Variants in SLC3A1 observed in about 807,000 individuals in gnomAD.
SLC3A1 encodes solute carrier family 3 member 1.
A neutral mutation model predicts 60.3 loss-of-function variants in SLC3A1; 78 were observed. The observed-to-expected ratio is 1.29, with a 90% CI of 1.08 to 1.56. The LOEUF (loss-of-function observed/expected upper bound fraction) is 1.56. SLC3A1 is among the 40% of genes most tolerant of loss of function. The pLI is 0.00. For synonymous variants in SLC3A1, 392 were observed against 307.9 expected (o/e 1.27, Z -2.86); for missense variants, 1,172 against 858.9 (o/e 1.36, Z -4.56).
chr2:44,313,741 T>C (rs1354856204), intron 8 of SLC3A1, 94 bp from the exon 9 acceptor site: 2 of 1,027,606 alleles, frequency 1.9e-6, no homozygotes, highest in East Asian at 2.4e-5. Context: ...CTAAGAACTA[T>C]GGGGAATTAA....
chr2:44,304,355 G>T lies in SLC3A1; in HGVS notation c.1332+17G>T, dbSNP rs1672098344. 7 of 1,587,994 alleles carry T rather than the reference G, an allele frequency of 4.4e-6. No individual in the cohort carries two copies. The highest frequency in any genetic ancestry group is 6.1e-6 in the Non-Finnish European group (7 of 1,155,974). On this transcript the variant is annotated intron_variant, in intron 7 of 9. Coordinates refer to ENST00000260649, the MANE Select transcript of SLC3A1 (RefSeq NM_000341.4). ...AACTGGATGGTAAGTCCTCATGACA[G>T]CAGAGTACATAATGTGCTGCTGTTG...
At chr2:44,278,095 C>T (rs544051069) in intron 1 of SLC3A1, among the ~76,000 whole-genome samples, 43 of 152,170 alleles carry the variant, frequency 2.8e-4, no homozygotes, top group African/African-American at 3.9e-4. Flanking sequence ...CTGTTGATAC[C>T]GTGTGAGATC....
chr2:44,309,575 T>G (rs1672242773), intron 7 of SLC3A1, among the ~76,000 whole-genome samples: 1 of 152,130 alleles, frequency 6.6e-6, no homozygotes, highest in South Asian at 2.1e-4. Flanking sequence ...TACCATGGAG[T>G]GGAATTGCTG....
rs1672846744 is a variant in SLC3A1, at chr2:44,320,566, T to C, written c.1985T>C (p.Phe662Ser). The change falls in exon 10 of 10, where the codon TTC (phenylalanine) becomes TCC (serine). Residue 662 changes from phenylalanine to serine, a missense_variant. By Grantham distance (155) the Phe-to-Ser change is radical (BLOSUM62 -2). Transcript: ENST00000260649. ...TKNLLHRQTA[F>S]RDRCFVSNRA... ...AATCTCCTTCATCGCCAAACAGCTTTCAGAGATAGATGCTTTGTTTCCAAT... is the reference window on the plus strand; with the variant it reads ...AATCTCCTTCATCGCCAAACAGCTTCCAGAGATAGATGCTTTGTTTCCAAT... 5 of 1,614,080 alleles carry C rather than the reference T, an allele frequency of 3.1e-6. No individual in the cohort carries two copies. The highest frequency in any genetic ancestry group is 4.2e-6 in the Non-Finnish European group (5 of 1,179,938).
At position 44,301,062 on chromosome 2, in the gene SLC3A1, G is replaced by A. The variant is rs762011300; in HGVS notation, c.1071G>A (p.Met357Ile). 1.2e-5 allele frequency: 20 copies of A among 1,614,076 alleles called. No homozygotes were observed. The highest frequency in any genetic ancestry group is 6.8e-6 in the Non-Finnish European group (8 of 1,180,046). ...ACTTCACCACCACGCAGGTGGGAAT[G>A]CACGACATTGTCCGCAGCTTCCGGC... ...YHDFTTTQVG[M>I]HDIVRSFRQT... Residue 357 changes from methionine to isoleucine, a missense_variant, in exon 6 of 10, where the codon ATG becomes ATA. Transcript: ENST00000260649.
At chr2:44,281,039 C>T (rs1340882598) in intron 2 of SLC3A1, 144 bp downstream of exon 2, 1 of 723,374 alleles carries the variant, frequency 1.4e-6, no homozygotes, top group Non-Finnish European at 2.3e-6. Context: ...TCTTTCCTTC[C>T]CGCTTTCTCT....
chr2:44,295,452 A>G (rs942111547), intron 4 of SLC3A1, among the ~76,000 whole-genome samples: 1 of 152,178 alleles, frequency 6.6e-6, no homozygotes, highest in Non-Finnish European at 1.5e-5. Context: ...AGGGTTAACA[A>G]TTAAAATCTG....
chr2:44,275,970 A>C lies in SLC3A1; in HGVS notation c.430+5A>C. The C allele has an allele frequency of 1.2e-6, 2 of 1,613,646 alleles. No homozygotes were observed. Among genetic ancestry groups the C allele is most frequent in the Non-Finnish European group, 1.7e-6 (2 of 1,179,492 alleles). On this transcript the variant is annotated splice_donor_5th_base_variant and intron_variant, in intron 1 of 9. Coordinates refer to ENST00000260649, the MANE Select transcript of SLC3A1 (RefSeq NM_000341.4). Reference sequence around the variant, plus strand: ...ATGGGAACGGAGATCTGAAAGGTACATGCCCAGAGATCATTTAGGGTGGGT... The same window carrying C: ...ATGGGAACGGAGATCTGAAAGGTACCTGCCCAGAGATCATTTAGGGTGGGT...
At chr2:44,284,378 A>G (rs1671566398) in intron 3 of SLC3A1, among the ~76,000 whole-genome samples, 1 of 152,116 alleles carries the variant, frequency 6.6e-6, no homozygotes, top group Non-Finnish European at 1.5e-5. Flanking sequence ...ACGCCCAACC[A>G]AGGGCTTCTT....
intron 7 of SLC3A1, among the ~76,000 whole-genome samples, chr2:44,311,693 T>C (rs914725598): frequency 6.7e-6 from 1 of 148,296 alleles, no homozygotes; most frequent in Non-Finnish European, 1.5e-5. Flanking sequence ...AACGTAATTA[T>C]AAAGATCATT....
At chr2:44,305,651 C>G (rs1248423587) in intron 7 of SLC3A1, among the ~76,000 whole-genome samples, 1 of 152,042 alleles carries the variant, frequency 6.6e-6, no homozygotes, top group African/African-American at 2.4e-5. Context: ...TGTTCTTGAA[C>G]TCCTGACCTC....
chr2:44,320,147 C>A (rs975660517), intron 9 of SLC3A1, 52 bp from the exon 10 acceptor site: 4 of 1,465,452 alleles, frequency 2.7e-6, no homozygotes, highest in East Asian at 2.4e-5. Flanking sequence ...AAAATACTTA[C>A]AAACAATTCT....
intron 9 of SLC3A1, among the ~76,000 whole-genome samples, chr2:44,316,104 G>A (rs75711828): frequency 0.013 from 1,983 of 152,244 alleles, 20 homozygotes; most frequent in Middle Eastern, 0.034. Context: ...TTCCCATTAT[G>A]AGAGGCAGGC....
intron 3 of SLC3A1, 158 bp from the exon 4 acceptor site, chr2:44,285,874 G>C: frequency 1.1e-6 from 1 of 872,864 alleles, no homozygotes. Flanking sequence ...TGGGGTGGGG[G>C]GTATTTGGAA....
intron 1 of SLC3A1, among the ~76,000 whole-genome samples, chr2:44,277,764 A>C (rs1331196258): frequency 6.6e-6 from 1 of 152,234 alleles, no homozygotes; most frequent in African/African-American, 2.4e-5. Context: ...GGATAGGTCC[A>C]ACATTCCTGT....
chr2:44,302,113 G>C (rs1038856151), intron 6 of SLC3A1, among the ~76,000 whole-genome samples: 17 of 152,060 alleles, frequency 1.1e-4, no homozygotes, highest in Non-Finnish European at 1.5e-4. Context: ...CATTGTTATT[G>C]GATCTATAGT....
downstream of SLC3A1, among the ~76,000 whole-genome samples, chr2:44,322,369 AC>A (rs1673060087): frequency 6.6e-6 from 1 of 152,236 alleles, no homozygotes; most frequent in Admixed American, 6.5e-5. Context: ...ATGGCCCAAA[AC>A]AAAAATCTCA....
At chr2:44,280,654 A>G (rs1671473906) in intron 1 of SLC3A1, 62 bp from the exon 2 acceptor site, 4 of 1,157,586 alleles carry the variant, frequency 3.5e-6, no homozygotes, top group Non-Finnish European at 5.1e-6. Context: ...TATTTGTTAT[A>G]TTTTTTGTCC....
chr2:44,288,118 C>T (rs13018340), intron 4 of SLC3A1, among the ~76,000 whole-genome samples: 63,595 of 151,366 alleles, frequency 0.42, 16,613 homozygotes, highest in Non-Finnish European at 0.58. Flanking sequence ...ACTTGTGCCT[C>T]CCAGGTTCAA....
Sources: allele counts gnomAD v4.1 joint callset (sites outside exome capture counted in the v4.1 genomes callset), GRCh38; gene constraint gnomAD v4.1.1; transcripts MANE v1.5; gene names NCBI Gene and HGNC (gene_info 2026-07-23, HGNC 2026-07-21).